The following TNIK variants were observed in gnomAD, a reference collection of about 807,000 sequenced individuals.
TNIK encodes the protein TRAF2 and NCK-interacting protein kinase.
A neutral mutation model predicts 191.3 loss-of-function variants in TNIK; 49 were observed. That is an observed-to-expected ratio of 0.26 (90% CI 0.20 to 0.32). The LOEUF (loss-of-function observed/expected upper bound fraction) is 0.32, where lower values mean the gene tolerates loss of function less well. Ranked by LOEUF, TNIK falls within the 10% of genes least tolerant of loss-of-function variation. The probability of loss-of-function intolerance (pLI) is 1.00; values close to 1 mark genes in which losing one functional copy is unlikely to be tolerated. For synonymous variants in TNIK, 594 were observed against 600.9 expected (o/e 0.99, Z 0.17); for missense variants, 1,155 against 1,702.3 (o/e 0.68, Z 5.66).
chr3:171,115,515 G>A (rs1209600533), intron 18 of TNIK, among the ~76,000 whole-genome samples: 1 of 152,208 alleles, frequency 6.6e-6, no homozygotes, highest in African/African-American at 2.4e-5. Context: ...AGTGCAGACT[G>A]GTATGGTTGA....
intron 28 of TNIK, among the ~76,000 whole-genome samples, chr3:171,073,912 G>A (rs1719552339): frequency 6.6e-6 from 1 of 151,956 alleles, no homozygotes; most frequent in East Asian, 1.9e-4. Context: ...CTGTTGGTAG[G>A]AATGTAAGTT....
In TNIK at chr3:171,085,238, T is replaced by G. The variant is rs889113366; in HGVS notation, c.2887-9A>C. The G allele has an allele frequency of 3.8e-6, 6 of 1,599,412 alleles. No homozygotes were observed. The African/African-American group carries it at 8.0e-5, about 21-fold the overall frequency. On this transcript the variant is annotated splice_polypyrimidine_tract_variant and intron_variant, in intron 24 of 32. Transcript: ENST00000436636. ...CTGCTCCCCATGCCATACTAATCAA[T>G]AAGCAAGAAGATTAAGAAGAGCAGA...
At chr3:171,310,579 C>T (rs904644603) in intron 2 of TNIK, among the ~76,000 whole-genome samples, 4 of 152,092 alleles carry the variant, frequency 2.6e-5, no homozygotes, top group Admixed American at 6.5e-5. Context: ...CTCATTTTGG[C>T]CTTCCTGAAA....
At chr3:171,338,918 G>A (rs759996348) in intron 2 of TNIK, among the ~76,000 whole-genome samples, 27 of 152,130 alleles carry the variant, frequency 1.8e-4, no homozygotes, top group Non-Finnish European at 2.9e-4. Flanking sequence ...AAGAGCTAAC[G>A]TTTGAATCTA....
intron 2 of TNIK, among the ~76,000 whole-genome samples, chr3:171,232,311 C>T (rs1024595113): frequency 2.0e-5 from 3 of 151,514 alleles, no homozygotes; most frequent in Admixed American, 6.6e-5. Flanking sequence ...ACAGCAAGAT[C>T]CCATCTCTAA....
At chr3:171,293,301 A>C (rs1751897520) in intron 2 of TNIK, among the ~76,000 whole-genome samples, 1 of 152,200 alleles carries the variant, frequency 6.6e-6, no homozygotes, top group Non-Finnish European at 1.5e-5. Flanking sequence ...CCACGCCTAC[A>C]AGATTCACAA....
At chr3:171,218,798 T>C in intron 3 of TNIK, among the ~76,000 whole-genome samples, 1 of 141,770 alleles carries the variant, frequency 7.1e-6, no homozygotes, top group East Asian at 2.2e-4. Context: ...ATTTACATAT[T>C]ATATATTAAA....
chr3:171,378,045 A>C (rs1027276), intron 1 of TNIK, among the ~76,000 whole-genome samples: 128,817 of 152,222 alleles, frequency 0.85, 54,638 homozygotes, highest in East Asian at 0.99. Flanking sequence ...TCAGGACAGG[A>C]AACCACAATG....
chr3:171,092,169 C>T (rs751784165), intron 23 of TNIK, among the ~76,000 whole-genome samples: 3 of 151,964 alleles, frequency 2.0e-5, no homozygotes, highest in Non-Finnish European at 2.9e-5. Context: ...AGGATGGTCT[C>T]GATCTCCTGA....
chr3:171,179,180 G>C (rs1400782287), intron 7 of TNIK, among the ~76,000 whole-genome samples: 1 of 152,112 alleles, frequency 6.6e-6, no homozygotes, highest in Admixed American at 6.5e-5. Flanking sequence ...AGACTCCAAG[G>C]AACTCTCTGC....
At chr3:171,388,147 A>C (rs779712846) in intron 1 of TNIK, among the ~76,000 whole-genome samples, 2 of 152,226 alleles carry the variant, frequency 1.3e-5, no homozygotes, top group African/African-American at 4.8e-5. Context: ...TAAAGTACTC[A>C]ATACAAAGAC....
At chr3:171,235,103 G>T (rs575284992) in intron 2 of TNIK, among the ~76,000 whole-genome samples, 3 of 151,996 alleles carry the variant, frequency 2.0e-5, no homozygotes, top group Non-Finnish European at 4.4e-5. Context: ...GTACAGTGGC[G>T]CTGTCTCGGC....
intron 12 of TNIK, among the ~76,000 whole-genome samples, chr3:171,151,059 T>C (rs1732373927): frequency 6.6e-6 from 1 of 152,244 alleles, no homozygotes; most frequent in African/African-American, 2.4e-5. Context: ...TGCCAAGTCC[T>C]CTGTATTTAT....
chr3:171,216,912 A>G (rs926623090), intron 3 of TNIK, among the ~76,000 whole-genome samples: 1 of 152,064 alleles, frequency 6.6e-6, no homozygotes, highest in African/African-American at 2.4e-5. Flanking sequence ...CTAAGTCCCT[A>G]CCTCTTCATT....
At chr3:171,183,938 A>AAG (rs925301266) in intron 7 of TNIK, among the ~76,000 whole-genome samples, 1 of 151,080 alleles carries the variant, frequency 6.6e-6, no homozygotes, top group African/African-American at 2.4e-5. Context: ...AAAAAAAAAA[A>AAG]AAAAAGGCCC....
chr3:171,107,289 G>T (rs938327327), intron 20 of TNIK, 83 bp from the exon 21 acceptor site: 3 of 1,289,410 alleles, frequency 2.3e-6, no homozygotes, highest in Admixed American at 2.2e-5. Context: ...ACACAAAATT[G>T]TAATTGTTAG....
At chr3:171,112,653 GTATC>G (rs1560130449) in intron 18 of TNIK, among the ~76,000 whole-genome samples, 1 of 151,514 alleles carries the variant, frequency 6.6e-6, no homozygotes, top group East Asian at 1.9e-4. Flanking sequence ...TTTTTCTTTT[GTATC>G]TATCTATAGA....
intron 1 of TNIK, among the ~76,000 whole-genome samples, chr3:171,455,477 GCAGTCCTCCCACTTCGGCC>G (rs1728687375): frequency 7.4e-6 from 1 of 135,300 alleles, no homozygotes; most frequent in African/African-American, 3.2e-5. Flanking sequence ...CTGGTTTCAA[GCAGTCCTCCCACTTCGGCC>G]TCCCGAAGTG....
Position 171,207,962 on chromosome 3 carries a change from T to C in TNIK, c.306+3154A>G, listed in dbSNP as rs111728482. 5.2e-3 allele frequency among the ~76,000 whole-genome samples: 792 copies of C among 152,174 alleles called. 6 individuals are homozygous for C. Among genetic ancestry groups the C allele is most frequent in the Admixed American group, 0.012 (190 of 15,288 alleles). On this transcript the variant is annotated intron_variant, in intron 4 of 32. Coordinates refer to ENST00000436636, the MANE Select transcript of TNIK (RefSeq NM_015028.4). ...CTTGCCCTCAGAGAGCAGACAGTCT[T>C]TTATGAGGAGCAAGAACAGCCCGGT...
Sources: gnomAD v4.1 joint callset for allele counts (sites outside exome capture counted in the v4.1 genomes callset) on GRCh38, gnomAD v4.1.1 for gene constraint, MANE v1.5 for transcripts, NCBI Gene and HGNC (gene_info 2026-07-23, HGNC 2026-07-21) for gene names.